The following OPCML variants were observed in gnomAD, a reference collection of about 807,000 sequenced individuals.
OPCML encodes the protein opioid-binding protein/cell adhesion molecule.
In OPCML, 13 loss-of-function variants were observed where a neutral mutation model predicts 37.8. The observed-to-expected ratio is 0.34, with a 90% CI of 0.22 to 0.55. The LOEUF is 0.55. Ranked by LOEUF, OPCML falls within the 20% of genes least tolerant of loss-of-function variation. The pLI, the probability that OPCML is intolerant of heterozygous loss-of-function variation, is 0.91. For missense variants in OPCML, 341 were observed against 435.6 expected (o/e 0.78, Z 1.93); for synonymous variants, 176 against 168.8 (o/e 1.04, Z -0.33).
At chr11:133,248,369 C>T (rs966727285) in intron 1 of OPCML, among the ~76,000 whole-genome samples, 15 of 152,190 alleles carry the variant, frequency 9.9e-5, no homozygotes, top group Non-Finnish European at 1.5e-4. Flanking sequence ...GGAAGGAAGA[C>T]GCAGAGTAGA....
intron 1 of OPCML, among the ~76,000 whole-genome samples, chr11:133,340,527 T>C (rs1044373994): frequency 2.6e-5 from 4 of 152,066 alleles, no homozygotes; most frequent in Non-Finnish European, 1.5e-5. Context: ...GTATAAAAGC[T>C]TGTATATTTC....
chr11:132,596,527 C>A (rs950864060), intron 3 of OPCML, among the ~76,000 whole-genome samples: 1 of 152,128 alleles, frequency 6.6e-6, no homozygotes, highest in Non-Finnish European at 1.5e-5. Context: ...CATATGCATG[C>A]ACCCCTAGAC....
chr11:132,908,752 A>G (rs1012788978), intron 2 of OPCML, among the ~76,000 whole-genome samples: 1 of 152,256 alleles, frequency 6.6e-6, no homozygotes, highest in African/African-American at 2.4e-5. Context: ...CATGCCATAA[A>G]TTGGCCCTGC....
intron 2 of OPCML, among the ~76,000 whole-genome samples, chr11:132,900,976 G>A (rs868560076): frequency 6.6e-6 from 1 of 152,054 alleles, no homozygotes; most frequent in African/African-American, 2.4e-5. Flanking sequence ...GCAGGAGTTC[G>A]AGACCAGCCT....
At chr11:132,442,884 A>T (rs2096041180) in intron 4 of OPCML, among the ~76,000 whole-genome samples, 1 of 152,028 alleles carries the variant, frequency 6.6e-6, no homozygotes, top group South Asian at 2.1e-4. Context: ...TAAATTCCCC[A>T]GTCTCGGGTG....
chr11:133,036,602 TG>T (rs1947788354), intron 1 of OPCML, among the ~76,000 whole-genome samples: 1 of 152,244 alleles, frequency 6.6e-6, no homozygotes, highest in African/African-American at 2.4e-5. Flanking sequence ...TACAATGACC[TG>T]GTAAAGAATT....
intron 4 of OPCML, among the ~76,000 whole-genome samples, chr11:132,464,540 A>G (rs2096113673): frequency 6.6e-6 from 1 of 152,224 alleles, no homozygotes; most frequent in South Asian, 2.1e-4. Flanking sequence ...TTTGTTAAGT[A>G]AAAGAATGAA....
intron 4 of OPCML, among the ~76,000 whole-genome samples, chr11:132,472,522 T>C (rs1159100519): frequency 6.6e-6 from 1 of 152,214 alleles, no homozygotes; most frequent in Non-Finnish European, 1.5e-5. Flanking sequence ...CATCTCTCTG[T>C]AATATTTATA....
At chr11:133,238,648 C>A (rs568568581) in intron 1 of OPCML, among the ~76,000 whole-genome samples, 93 of 152,184 alleles carry the variant, frequency 6.1e-4, no homozygotes, top group African/African-American at 2.0e-3. Context: ...AGCCTCCCGC[C>A]CTAAGAAGCC....
At chr11:133,317,110 A>G (rs185173806) in intron 1 of OPCML, among the ~76,000 whole-genome samples, 1 of 152,322 alleles carries the variant, frequency 6.6e-6, no homozygotes, top group African/African-American at 2.4e-5. Flanking sequence ...AGGCCCAAGA[A>G]TCACCTGAAC....
intron 1 of OPCML, chr11:133,423,208 C>G: frequency 1.0e-6 from 1 of 985,264 alleles, no homozygotes; most frequent in Non-Finnish European, 1.2e-6. Context: ...CTCAATCATC[C>G]CCTTGATCAT....
chr11:132,499,262 C>G (rs1000989923), intron 4 of OPCML, among the ~76,000 whole-genome samples: 1 of 152,190 alleles, frequency 6.6e-6, no homozygotes, highest in Admixed American at 6.5e-5. Flanking sequence ...AGCAGAGGAG[C>G]AGTCTGCAAA....
chr11:133,372,705 C>T (rs750657618), intron 1 of OPCML, among the ~76,000 whole-genome samples: 7 of 152,156 alleles, frequency 4.6e-5, no homozygotes, highest in Non-Finnish European at 7.4e-5. Flanking sequence ...CCTTGAGATT[C>T]CCAATATCAT....
At chr11:132,570,029 G>A (rs2096433691) in intron 3 of OPCML, among the ~76,000 whole-genome samples, 1 of 150,756 alleles carries the variant, frequency 6.6e-6, no homozygotes, top group South Asian at 2.1e-4. Flanking sequence ...GAAGAAATCA[G>A]TAAACTAAGG....
intron 2 of OPCML, among the ~76,000 whole-genome samples, chr11:132,737,946 C>A (rs1261304579): frequency 6.6e-6 from 1 of 152,110 alleles, no homozygotes; most frequent in Non-Finnish European, 1.5e-5. Flanking sequence ...AGGGGTGTTC[C>A]TATCTTTCAC....
intron 2 of OPCML, among the ~76,000 whole-genome samples, chr11:132,766,879 G>A (rs776938830): frequency 6.6e-5 from 10 of 152,094 alleles, no homozygotes; most frequent in Admixed American, 2.6e-4. Context: ...TTGTATAAAC[G>A]TTAAATATCC....
chr11:133,309,552 G>C (rs1238188507), intron 1 of OPCML, among the ~76,000 whole-genome samples: 1 of 152,200 alleles, frequency 6.6e-6, no homozygotes, highest in African/African-American at 2.4e-5. Context: ...TCTTGTGACA[G>C]AAAACAGAAC....
At position 132,646,517 on chromosome 11, in the gene OPCML, C is replaced by T. The variant is rs140373148; in HGVS notation, c.379+10570G>A. On this transcript the variant is annotated intron_variant, in intron 3 of 7. Transcript: ENST00000524381. ...AACACTGTTAAAATGAATTATAGGG[C>T]GGGAGAGATGAGGATTAGGTATCAA... Among the ~76,000 whole-genome samples, 82 of 151,890 alleles carry T rather than the reference C, an allele frequency of 5.4e-4. No individual in the cohort carries two copies. In the South Asian group the frequency reaches 5.4e-3, roughly 10 times the overall value.
At chr11:132,566,770 A>G (rs74539667) in intron 3 of OPCML, among the ~76,000 whole-genome samples, 17,968 of 152,194 alleles carry the variant, frequency 0.12, 1,783 homozygotes, top group East Asian at 0.45. Context: ...AAACCTAACC[A>G]ATCTTAAAAT....
Sources: allele counts gnomAD v4.1 joint callset (sites outside exome capture counted in the v4.1 genomes callset), GRCh38; gene constraint gnomAD v4.1.1; transcripts MANE v1.5; gene names NCBI Gene and HGNC (gene_info 2026-07-23, HGNC 2026-07-21).